Variants in WDR7 observed in about 807,000 individuals in gnomAD.
WDR7 encodes WD repeat-containing protein 7.
WDR7 carries 46 observed loss-of-function variants against 169.4 expected under a neutral mutation model. The observed-to-expected ratio is 0.27, with a 90% CI of 0.21 to 0.35. The LOEUF (loss-of-function observed/expected upper bound fraction) is 0.35. WDR7 is among the 10% of genes least tolerant of loss of function. The probability of loss-of-function intolerance (pLI) is 1.00; values close to 1 mark genes in which losing one functional copy is unlikely to be tolerated. For synonymous variants in WDR7, 612 were observed against 666.8 expected (o/e 0.92, Z 1.27); for missense variants, 1,534 against 1,859.3 (o/e 0.83, Z 3.22).
intron 1 of WDR7, among the ~76,000 whole-genome samples, chr18:56,664,370 G>T (rs974253071): frequency 1.1e-4 from 17 of 152,094 alleles, no homozygotes; most frequent in Admixed American, 1.1e-3. Flanking sequence ...AGATTGTTAG[G>T]GTTACAAGTA....
rs1188149125 is a variant in WDR7 at position 56,682,758 on chromosome 18, A to G, written c.425A>G (p.Asp142Gly). 18 of 1,613,754 alleles carry G rather than the reference A, an allele frequency of 1.1e-5. No individual in the cohort carries two copies. Among genetic ancestry groups the G allele is most frequent in the Non-Finnish European group, 1.5e-5 (18 of 1,179,812 alleles). Residue 142 changes from aspartate (D) to glycine (G), a missense_variant, in exon 5 of 28, where the codon GAT (aspartate) becomes GGT (glycine). Transcript: ENST00000254442. ...CATTACCCTGAAATCCTTGTTGTGGATGCTACCAGCCTTGAAGTATTATAC... is the reference window on the plus strand; with the variant it reads ...CATTACCCTGAAATCCTTGTTGTGGGTGCTACCAGCCTTGAAGTATTATAC... ...HGHYPEILVV[D>G]ATSLEVLYSL...
intron 14 of WDR7, among the ~76,000 whole-genome samples, chr18:56,731,994 T>C (rs1230563782): frequency 6.6e-6 from 1 of 152,224 alleles, no homozygotes; most frequent in Non-Finnish European, 1.5e-5. Flanking sequence ...ATCATTTGTT[T>C]TAAAATTAGG....
intron 21 of WDR7, among the ~76,000 whole-genome samples, chr18:56,916,983 G>A (rs1039773103): frequency 3.9e-5 from 6 of 152,108 alleles, no homozygotes; most frequent in Admixed American, 3.3e-4. Flanking sequence ...GGATCATGAG[G>A]TTAGGAGTTC....
At chr18:56,856,430 A>T (rs533694642) in intron 20 of WDR7, among the ~76,000 whole-genome samples, 136 of 152,292 alleles carry the variant, frequency 8.9e-4, no homozygotes, top group Middle Eastern at 3.4e-3. Context: ...GCTACTCTGG[A>T]GGCTGAGGCA....
chr18:56,900,466 A>G (rs540433419), intron 21 of WDR7, among the ~76,000 whole-genome samples: 7 of 152,224 alleles, frequency 4.6e-5, no homozygotes, highest in East Asian at 1.9e-4. Context: ...AGAGCTTCTC[A>G]CTAGCAGAAA....
intron 19 of WDR7, among the ~76,000 whole-genome samples, chr18:56,801,862 T>A (rs924381379): frequency 6.6e-6 from 1 of 152,328 alleles, no homozygotes; most frequent in East Asian, 1.9e-4. Context: ...TTTAGGGACA[T>A]CTGGGTTGTT....
intron 18 of WDR7, 102 bp downstream of exon 18, chr18:56,779,651 C>A: frequency 1.1e-6 from 1 of 876,086 alleles, no homozygotes; most frequent in South Asian, 1.8e-5. Context: ...GATTTATCAT[C>A]TGTTCATTAT....
chr18:56,764,630 G>T (rs1018338909), intron 16 of WDR7, among the ~76,000 whole-genome samples: 3 of 152,004 alleles, frequency 2.0e-5, no homozygotes, highest in Non-Finnish European at 4.4e-5. Context: ...TATACAATGT[G>T]AATCCTTTTG....
downstream of WDR7, chr18:57,032,820 T>TATATAA (rs2145968970): frequency 1.2e-5 from 1 of 85,856 alleles, no homozygotes; most frequent in Non-Finnish European, 2.1e-5. Flanking sequence ...TATATATATA[T>TATATAA]ATATATATAT....
intron 6 of WDR7, among the ~76,000 whole-genome samples, chr18:56,686,407 G>C (rs1042737429): frequency 1.3e-5 from 2 of 152,058 alleles, no homozygotes; most frequent in Admixed American, 1.3e-4. Context: ...ATCTATTTCA[G>C]TTCTTTGGGC....
chr18:56,767,158 C>G (rs1280095234), intron 16 of WDR7, among the ~76,000 whole-genome samples: 2 of 152,126 alleles, frequency 1.3e-5, no homozygotes, highest in Non-Finnish European at 2.9e-5. Context: ...ATATCCAATG[C>G]CCTGTGAATT....
At position 56,950,851 on chromosome 18, in the gene WDR7, G is replaced by A. The variant is rs2576416; in HGVS notation, c.4064+11458G>A. On this transcript the variant is annotated intron_variant, in intron 25 of 27. Transcript: ENST00000254442. ...TGGGCATTTGATGTTAAATCACCAT[G>A]GTACATAATACTTGGTAGCAAATCT... Among the ~76,000 whole-genome samples the A allele has an allele frequency of 1.0e-2, 1,519 of 152,258 alleles. 28 individuals are homozygous for A. The highest frequency in any genetic ancestry group is 0.035 in the African/African-American group (1,457 of 41,534).
At chr18:56,881,739 C>G (rs942390344) in intron 21 of WDR7, among the ~76,000 whole-genome samples, 7 of 152,228 alleles carry the variant, frequency 4.6e-5, no homozygotes, top group Admixed American at 4.6e-4. Context: ...GTGTAGGCCA[C>G]GATGACTGGG....
At chr18:56,671,255 T>A (rs1192309412) in intron 1 of WDR7, among the ~76,000 whole-genome samples, 1 of 151,574 alleles carries the variant, frequency 6.6e-6, no homozygotes, top group East Asian at 1.9e-4. Context: ...GGGTTTGGAG[T>A]AAGTGTGGTT....
chr18:56,914,597 G>C (rs1351336340), intron 21 of WDR7, among the ~76,000 whole-genome samples: 5 of 152,150 alleles, frequency 3.3e-5, no homozygotes, highest in African/African-American at 1.2e-4. Flanking sequence ...CTTTTGGGAA[G>C]GGGATATAGA....
intron 19 of WDR7, among the ~76,000 whole-genome samples, chr18:56,810,903 C>T (rs539061731): frequency 2.0e-5 from 3 of 152,136 alleles, no homozygotes; most frequent in African/African-American, 7.2e-5. Context: ...TTCAAACACC[C>T]CAAAGTGAAA....
intron 20 of WDR7, among the ~76,000 whole-genome samples, chr18:56,867,006 CTTACTTATTTAT>C (rs1162344474): frequency 3.8e-4 from 55 of 146,350 alleles, no homozygotes; most frequent in African/African-American, 1.5e-3. Flanking sequence ...ACTTTATTTA[CTTACTTATTTAT>C]TTATTTATTT....
chr18:56,743,404 G>A (rs768308816), intron 14 of WDR7, among the ~76,000 whole-genome samples: 7 of 152,168 alleles, frequency 4.6e-5, no homozygotes, highest in Non-Finnish European at 8.8e-5. Flanking sequence ...GGAGGAAAAG[G>A]AAACGATTTA....
chr18:56,832,205 G>A (rs1364516576), intron 20 of WDR7, among the ~76,000 whole-genome samples: 2 of 152,174 alleles, frequency 1.3e-5, no homozygotes, highest in South Asian at 2.1e-4. Flanking sequence ...TTCCTCTCAC[G>A]GTGTAAACAA....
Sources: gnomAD v4.1 joint callset for allele counts (sites outside exome capture counted in the v4.1 genomes callset) on GRCh38, gnomAD v4.1.1 for gene constraint, MANE v1.5 for transcripts, NCBI Gene and HGNC (gene_info 2026-07-23, HGNC 2026-07-21) for gene names.